KCNQ5: variants seen among roughly 807,000 people sequenced by gnomAD.
KCNQ5 encodes the protein potassium voltage-gated channel subfamily KQT member 5.
KCNQ5 carries 30 observed loss-of-function variants against 98.2 expected under a neutral mutation model. The observed-to-expected ratio is 0.31, with a 90% CI of 0.23 to 0.41. KCNQ5 has a LOEUF of 0.41. Ranked by LOEUF, KCNQ5 falls within the 10% of genes least tolerant of loss-of-function variation. KCNQ5 has a pLI of 1.00. For synonymous variants in KCNQ5, 458 were observed against 449.4 expected, an observed-to-expected ratio of 1.02 and a Z score of -0.24; for missense variants, 835 against 1,182.5, an observed-to-expected ratio of 0.71 and a Z score of 4.31.
chr6:72,862,496 A>C (rs1012068471), intron 1 of KCNQ5, among the ~76,000 whole-genome samples: 1 of 152,154 alleles, frequency 6.6e-6, no homozygotes, highest in African/African-American at 2.4e-5. Context: ...AGTTGCTTTC[A>C]AAAGATTTTT....
chr6:72,626,988 T>C (rs1028813529), intron 1 of KCNQ5, among the ~76,000 whole-genome samples: 1 of 152,182 alleles, frequency 6.6e-6, no homozygotes, highest in Non-Finnish European at 1.5e-5. Context: ...TTCTGGTGAA[T>C]ATAATGGGTT....
At chr6:72,954,148 C>G (rs2150257470) in intron 1 of KCNQ5, among the ~76,000 whole-genome samples, 1 of 152,284 alleles carries the variant, frequency 6.6e-6, no homozygotes, top group South Asian at 2.1e-4. Flanking sequence ...ATACAGCTTT[C>G]TTATCTGTGA....
intron 11 of KCNQ5, among the ~76,000 whole-genome samples, chr6:73,180,860 CT>C (rs140687579): frequency 0.048 from 7,310 of 152,212 alleles, 199 homozygotes; most frequent in East Asian, 0.11. Context: ...CCTCTCCGCC[CT>C]TGCACATGGT....
chr6:72,877,292 C>T (rs1160490003), intron 1 of KCNQ5, among the ~76,000 whole-genome samples: 1 of 152,098 alleles, frequency 6.6e-6, no homozygotes, highest in African/African-American at 2.4e-5. Flanking sequence ...TCAACTCCCA[C>T]TTATGAAGGA....
intron 1 of KCNQ5, among the ~76,000 whole-genome samples, chr6:72,977,568 T>C (rs187745563): frequency 8.4e-4 from 128 of 152,248 alleles, no homozygotes; most frequent in African/African-American, 3.0e-3. Context: ...CCGGAAGACC[T>C]ATGCAGGCTG....
intron 1 of KCNQ5, among the ~76,000 whole-genome samples, chr6:72,930,428 C>A (rs1343238209): frequency 1.3e-5 from 2 of 151,954 alleles, no homozygotes; most frequent in Admixed American, 1.3e-4. Flanking sequence ...TTTAGCCAGT[C>A]TTGGCTTTCT....
At chr6:72,730,849 AAG>A (rs1770520880) in intron 1 of KCNQ5, among the ~76,000 whole-genome samples, 1 of 152,110 alleles carries the variant, frequency 6.6e-6, no homozygotes, top group South Asian at 2.1e-4. Flanking sequence ...GAAAAAAAAA[AAG>A]TATTGACATT....
At chr6:72,937,437 C>T (rs1019587748) in intron 1 of KCNQ5, among the ~76,000 whole-genome samples, 1 of 152,202 alleles carries the variant, frequency 6.6e-6, no homozygotes, top group African/African-American at 2.4e-5. Context: ...TTATGCTTGC[C>T]TCTACCACAG....
intron 1 of KCNQ5, among the ~76,000 whole-genome samples, chr6:72,732,386 G>A (rs898172507): frequency 1.3e-5 from 2 of 152,146 alleles, no homozygotes; most frequent in Admixed American, 6.5e-5. Flanking sequence ...GGATGTATAT[G>A]AGGGAAGGGG....
intron 1 of KCNQ5, among the ~76,000 whole-genome samples, chr6:72,652,536 A>G (rs1765929917): frequency 6.6e-6 from 1 of 151,788 alleles, no homozygotes; most frequent in Admixed American, 6.6e-5. Context: ...ATTGAGCAGG[A>G]TTGAACTGGG....
chr6:72,741,065 G>T (rs930935831), intron 1 of KCNQ5, among the ~76,000 whole-genome samples: 2 of 152,208 alleles, frequency 1.3e-5, no homozygotes, highest in African/African-American at 4.8e-5. Context: ...AGAGAGTGCA[G>T]ATGAGAATTC....
intron 7 of KCNQ5, among the ~76,000 whole-genome samples, chr6:73,119,970 G>A (rs1775677287): frequency 6.6e-6 from 1 of 151,832 alleles, no homozygotes; most frequent in Non-Finnish European, 1.5e-5. Context: ...AGGCACAGTG[G>A]TTCATACCTG....
intron 2 of KCNQ5, among the ~76,000 whole-genome samples, chr6:73,005,331 C>T (rs1769767499): frequency 6.6e-6 from 1 of 152,140 alleles, no homozygotes; most frequent in African/African-American, 2.4e-5. Context: ...GTATAGCTGG[C>T]TTTTAGGTCC....
chr6:73,059,452 T>C (rs967504387), intron 3 of KCNQ5, among the ~76,000 whole-genome samples: 7 of 152,128 alleles, frequency 4.6e-5, no homozygotes, highest in Non-Finnish European at 8.8e-5. Context: ...AAAAACTACC[T>C]ATCAGGTACT....
chr6:73,038,242 A>G (rs1159084916), intron 2 of KCNQ5, among the ~76,000 whole-genome samples: 3 of 152,054 alleles, frequency 2.0e-5, no homozygotes, highest in Non-Finnish European at 4.4e-5. Context: ...AGCCTTAGTG[A>G]ACTCACTTGT....
At chr6:72,817,069 A>G (rs1386739372) in intron 1 of KCNQ5, among the ~76,000 whole-genome samples, 1 of 152,224 alleles carries the variant, frequency 6.6e-6, no homozygotes, top group African/African-American at 2.4e-5. Context: ...ATTGTCTAAG[A>G]GTAAAATATT....
At chr6:73,159,668 T>C (rs781489983) in intron 10 of KCNQ5, among the ~76,000 whole-genome samples, 1 of 152,252 alleles carries the variant, frequency 6.6e-6, no homozygotes, top group Non-Finnish European at 1.5e-5. Context: ...AATTTACAAT[T>C]TTAAAATTTC....
At chr6:73,096,663 A>G (rs1774515178) in intron 5 of KCNQ5, among the ~76,000 whole-genome samples, 1 of 152,214 alleles carries the variant, frequency 6.6e-6, no homozygotes, top group African/African-American at 2.4e-5. Flanking sequence ...TTTCTGGGGT[A>G]GAAAGTGATG....
intron 5 of KCNQ5, among the ~76,000 whole-genome samples, chr6:73,080,158 A>G (rs1773706773): frequency 6.6e-6 from 1 of 152,192 alleles, no homozygotes; most frequent in Admixed American, 6.5e-5. Flanking sequence ...TTCTTTTGCC[A>G]GAATAACCCA....
Sources: allele counts gnomAD v4.1 joint callset (sites outside exome capture counted in the v4.1 genomes callset), GRCh38; gene constraint gnomAD v4.1.1; transcripts MANE v1.5; gene names NCBI Gene and HGNC (gene_info 2026-07-23, HGNC 2026-07-21).